The following VAV3 variants were observed in gnomAD, a reference collection of about 807,000 sequenced individuals.
The protein encoded by VAV3 is guanine nucleotide exchange factor VAV3.
VAV3 carries 94 observed loss-of-function variants against 131.2 expected under a neutral mutation model. The observed-to-expected ratio is 0.72, with a 90% CI of 0.61 to 0.85. The LOEUF (loss-of-function observed/expected upper bound fraction) is 0.85. Ranked by LOEUF, VAV3 falls within the 40% of genes least tolerant of loss-of-function variation. The probability of loss-of-function intolerance (pLI) is 0.00; values close to 1 mark genes in which losing one functional copy is unlikely to be tolerated. For synonymous variants in VAV3, 349 were observed against 342.0 expected, an observed-to-expected ratio of 1.02 and a Z score of -0.22; for missense variants, 939 against 1,002.7, an observed-to-expected ratio of 0.94 and a Z score of 0.86.
At chr1:107,678,015 G>T (rs535032411) in intron 19 of VAV3, 2 of 151,878 alleles carry the variant, frequency 1.3e-5, no homozygotes, top group Non-Finnish European at 2.9e-5. Flanking sequence ...CTGTTATCAC[G>T]GAAAAGGGAA....
At chr1:107,661,274 C>T (rs748665373) in intron 19 of VAV3, among the ~76,000 whole-genome samples, 26 of 152,152 alleles carry the variant, frequency 1.7e-4, no homozygotes, top group Non-Finnish European at 3.2e-4. Flanking sequence ...GACATGTACA[C>T]ACAAGAGGTG....
chr1:107,619,516 C>T (rs1247646600), intron 20 of VAV3, among the ~76,000 whole-genome samples: 8 of 152,068 alleles, frequency 5.3e-5, no homozygotes, highest in African/African-American at 1.9e-4. Flanking sequence ...CACTACAATG[C>T]TACCTGAGTG....
chr1:107,936,250 G>C (rs1673705978), intron 1 of VAV3, among the ~76,000 whole-genome samples: 1 of 152,104 alleles, frequency 6.6e-6, no homozygotes, highest in South Asian at 2.1e-4. Context: ...AATGCAACAT[G>C]TAACACTTTT....
chr1:107,713,056 AT>A (rs1660879940), intron 15 of VAV3, among the ~76,000 whole-genome samples: 1 of 152,206 alleles, frequency 6.6e-6, no homozygotes, highest in Admixed American at 6.5e-5. Flanking sequence ...TTATAACAAT[AT>A]AAAGTTTAGA....
chr1:107,850,588 G>A (rs962968126), intron 2 of VAV3, among the ~76,000 whole-genome samples: 2 of 151,938 alleles, frequency 1.3e-5, no homozygotes, highest in Non-Finnish European at 2.9e-5. Flanking sequence ...GGGGGCAAGG[G>A]GAGGGATTGC....
chr1:107,728,419 G>A (rs900795557), intron 15 of VAV3, among the ~76,000 whole-genome samples: 3 of 152,028 alleles, frequency 2.0e-5, no homozygotes, highest in African/African-American at 7.2e-5. Context: ...CGAAGTCTGA[G>A]ACCATCCAGT....
chr1:107,838,254 A>G (rs1271117462), intron 2 of VAV3, among the ~76,000 whole-genome samples: 1 of 152,164 alleles, frequency 6.6e-6, no homozygotes, highest in African/African-American at 2.4e-5. Context: ...AACTTAAATA[A>G]ATCAAGCACA....
chr1:107,828,404 C>A (rs1668106278), intron 2 of VAV3, among the ~76,000 whole-genome samples: 1 of 152,146 alleles, frequency 6.6e-6, no homozygotes, highest in Non-Finnish European at 1.5e-5. Flanking sequence ...TAACAAATTA[C>A]CACAAATGTA....
At chr1:107,613,540 C>A (rs544103274) in intron 21 of VAV3, among the ~76,000 whole-genome samples, 1 of 152,192 alleles carries the variant, frequency 6.6e-6, no homozygotes, top group African/African-American at 2.4e-5. Flanking sequence ...CATATATACC[C>A]AATTAGTGTC....
intron 1 of VAV3, among the ~76,000 whole-genome samples, chr1:107,921,453 T>A (rs1254947201): frequency 1.3e-5 from 2 of 152,252 alleles, no homozygotes; most frequent in East Asian, 3.8e-4. Context: ...AGGTTCCTGG[T>A]GATAAAAAGC....
chr1:107,740,812 T>C (rs1365245577), intron 15 of VAV3, among the ~76,000 whole-genome samples: 1 of 152,202 alleles, frequency 6.6e-6, no homozygotes, highest in African/African-American at 2.4e-5. Flanking sequence ...TTCATTTATG[T>C]GAATCTATGG....
At chr1:107,702,339 T>C (rs1660184403) in intron 17 of VAV3, among the ~76,000 whole-genome samples, 2 of 152,074 alleles carry the variant, frequency 1.3e-5, no homozygotes, top group South Asian at 4.2e-4. Context: ...GCCTGGCCCC[T>C]CCCTTGACAC....
intron 19 of VAV3, among the ~76,000 whole-genome samples, chr1:107,682,170 T>C (rs1658681874): frequency 6.6e-6 from 1 of 152,138 alleles, no homozygotes; most frequent in Non-Finnish European, 1.5e-5. Context: ...ATCTAAATAA[T>C]GTAAGGGATT....
Position 107,770,745 on chromosome 1 carries a change from C to A in VAV3, c.556-17G>T, listed in dbSNP as rs1664996625. 5.7e-6 allele frequency: 9 copies of A among 1,575,700 alleles called. No homozygotes were observed. The highest frequency in any genetic ancestry group is 7.8e-6 in the Non-Finnish European group (9 of 1,154,248). The stretch of plus-strand genomic sequence containing the variant: ...TGGACATTTCTGCAGTTAGAATTAT[C>A]AAAATAAAATGATTTAATAAAATCA... On this transcript the variant is annotated splice_polypyrimidine_tract_variant and intron_variant, in intron 5 of 26. Coordinates refer to ENST00000370056, the MANE Select transcript of VAV3 (RefSeq NM_006113.5).
chr1:107,910,128 TGAA>T (rs1553229697), intron 1 of VAV3, among the ~76,000 whole-genome samples: 1 of 152,118 alleles, frequency 6.6e-6, no homozygotes, highest in Non-Finnish European at 1.5e-5. Flanking sequence ...GAAATGAACT[TGAA>T]GAGGTTATTC....
chr1:107,788,189 A>C (rs1666116762), intron 2 of VAV3, among the ~76,000 whole-genome samples: 1 of 151,910 alleles, frequency 6.6e-6, no homozygotes, highest in Admixed American at 6.6e-5. Context: ...TTCATCCTCT[A>C]CTTGGCTACC....
Position 107,681,242 on chromosome 1 carries a change from T to TA in VAV3, c.1777+2245dup, listed in dbSNP as rs200596420. Reference sequence around the variant, plus strand: ...GATGTTAAGTAAATTAACTGTAGGATAAAAAAAAATCAAAGGAACTTCCAT... The same window carrying TA: ...GATGTTAAGTAAATTAACTGTAGGATAAAAAAAAAATCAAAGGAACTTCCAT... On this transcript the variant is annotated intron_variant, in intron 19 of 26. Coordinates refer to ENST00000370056, the MANE Select transcript of VAV3 (RefSeq NM_006113.5). 6.3e-3 allele frequency among the ~76,000 whole-genome samples: 955 copies of TA among 151,556 alleles called. 10 individuals are homozygous for TA. The highest frequency in any genetic ancestry group is 0.022 in the African/African-American group (890 of 41,310).
At chr1:107,655,673 T>C (rs1656496835) in intron 19 of VAV3, among the ~76,000 whole-genome samples, 1 of 152,048 alleles carries the variant, frequency 6.6e-6, no homozygotes, top group South Asian at 2.1e-4. Flanking sequence ...ATCAACAATG[T>C]AGAGAATGGG....
chr1:107,613,893 G>C (rs1484024134), intron 21 of VAV3, among the ~76,000 whole-genome samples: 1 of 152,026 alleles, frequency 6.6e-6, no homozygotes, highest in Non-Finnish European at 1.5e-5. Context: ...GTCTCGCTCT[G>C]TCACCCAGAC....
Sources: gnomAD v4.1 joint callset for allele counts (sites outside exome capture counted in the v4.1 genomes callset) on GRCh38, gnomAD v4.1.1 for gene constraint, MANE v1.5 for transcripts, NCBI Gene and HGNC (gene_info 2026-07-23, HGNC 2026-07-21) for gene names.